The following TCP11L2 variants were observed in gnomAD, a reference collection of about 807,000 sequenced individuals.
The protein encoded by TCP11L2 is t-complex 11 like 2.
In TCP11L2, 39 loss-of-function variants were observed where a neutral mutation model predicts 50.7. The ratio of observed to expected loss-of-function variants is 0.77; its 90% CI spans 0.60 to 1.01. The LOEUF is 1.01. TCP11L2 is among the 50% of genes least tolerant of loss of function. The probability of loss-of-function intolerance (pLI) is 0.00; values close to 1 mark genes in which losing one functional copy is unlikely to be tolerated. For missense variants in TCP11L2, 612 were observed against 614.7 expected (o/e 1.00, Z 0.05); for synonymous variants, 192 against 219.3 (o/e 0.88, Z 1.10).
intron 3 of TCP11L2, among the ~76,000 whole-genome samples, chr12:106,317,123 G>A (rs1345621674): frequency 6.6e-6 from 1 of 152,168 alleles, no homozygotes; most frequent in African/African-American, 2.4e-5. Flanking sequence ...TTGATACTAT[G>A]GAAAATATTA....
chr12:106,302,408 G>GCCCCCGCT (rs1348154937), upstream of TCP11L2, among the ~76,000 whole-genome samples: 14 of 45,054 alleles, frequency 3.1e-4, no homozygotes, highest in Middle Eastern at 9.3e-3. Flanking sequence ...CCCCCGCTCA[G>GCCCCCGCT]CCCCCGCTCC....
At chr12:106,325,108 C>T (rs748481270) in intron 6 of TCP11L2, 8 of 152,194 alleles carry the variant, frequency 5.3e-5, no homozygotes, top group Non-Finnish European at 1.0e-4. Flanking sequence ...TAATTTAATC[C>T]TTGCAACAAC....
At chr12:106,298,884 C>T (rs1236908486), upstream of TCP11L2, among the ~76,000 whole-genome samples, 1 of 151,602 alleles carries the variant, frequency 6.6e-6, no homozygotes, top group East Asian at 1.9e-4. Context: ...ATGGTGCAAT[C>T]CTGGCTCACT....
Position 106,314,399 on chromosome 12 carries a change from G to C in TCP11L2, c.199G>C (p.Ala67Pro). Residue 67 changes from alanine to proline, a missense_variant, in exon 3 of 10, where the codon GCT becomes CCT. By Grantham distance (27) the Ala-to-Pro change is conservative. Coordinates refer to ENST00000299045, the MANE Select transcript of TCP11L2 (RefSeq NM_152772.3). ...GGTTGTAACATTTGATGAAGTGATG[G>C]CTACAGCAAGGAACTTATCAAACTT... is the stretch of plus-strand genomic sequence containing the variant. ...PRVVTFDEVMATARNLSNLTL... is the reference protein window; with the variant it reads ...PRVVTFDEVMPTARNLSNLTL... 6.2e-7 allele frequency: 1 copy of C among 1,613,028 alleles called. No individual in the cohort carries two copies. The highest frequency in any genetic ancestry group is 8.5e-7 in the Non-Finnish European group (1 of 1,179,150).
intron 1 of TCP11L2, among the ~76,000 whole-genome samples, chr12:106,304,556 A>G (rs904614): frequency 3.2e-4 from 48 of 152,094 alleles, no homozygotes; most frequent in African/African-American, 1.1e-3. Context: ...CATCATCTGC[A>G]ATTTTTTTCT....
At chr12:106,316,800 C>T (rs1036142583) in intron 3 of TCP11L2, among the ~76,000 whole-genome samples, 1 of 152,174 alleles carries the variant, frequency 6.6e-6, no homozygotes, top group African/African-American at 2.4e-5. Flanking sequence ...GGGCCCTACA[C>T]ATATTGGATG....
intron 9 of TCP11L2, among the ~76,000 whole-genome samples, chr12:106,341,798 T>C (rs763121055): frequency 6.6e-6 from 1 of 152,212 alleles, no homozygotes; most frequent in Non-Finnish European, 1.5e-5. Context: ...ACAAGGAATC[T>C]GCCTCCCTGT....
chr12:106,344,782 CT>C (rs1202621802), intron 9 of TCP11L2, among the ~76,000 whole-genome samples: 2 of 152,176 alleles, frequency 1.3e-5, no homozygotes, highest in African/African-American at 4.8e-5. Context: ...TATAGCAGGT[CT>C]TTTCTGTCCA....
chr12:106,302,320 C>T (rs1274577133), upstream of TCP11L2, among the ~76,000 whole-genome samples: 1 of 40,036 alleles, frequency 2.5e-5, no homozygotes, highest in Non-Finnish European at 5.6e-5. Flanking sequence ...AGCCCCCGCT[C>T]CCCCCGCTCA....
At chr12:106,317,850 C>T (rs1040108372) in intron 3 of TCP11L2, among the ~76,000 whole-genome samples, 1 of 152,196 alleles carries the variant, frequency 6.6e-6, no homozygotes, top group Non-Finnish European at 1.5e-5. Flanking sequence ...CCTAGGAAGG[C>T]TTCTATTTCA....
At chr12:106,332,500 C>G (rs553317440) in intron 6 of TCP11L2, among the ~76,000 whole-genome samples, 58 of 152,294 alleles carry the variant, frequency 3.8e-4, no homozygotes, top group Non-Finnish European at 3.7e-4. Context: ...ATACATACAA[C>G]TTGGATGGAT....
chr12:106,346,355 T>G lies in TCP11L2; in HGVS notation c.1385T>G (p.Met462Arg). The G allele has an allele frequency of 6.2e-7, 1 of 1,613,648 alleles. No homozygotes were observed. Among genetic ancestry groups the G allele is most frequent in the Non-Finnish European group, 8.5e-7 (1 of 1,179,514 alleles). ...LPSPQKCMPP[M>R]PGGLAVIQQE... ...AGCCCTCAAAAATGCATGCCTCCTA[T>G]GCCAGGAGGCCTAGCTGTCATTCAG... The change falls in exon 10 of 10, where the codon ATG becomes AGG. Residue 462 changes from methionine (M) to arginine (R), a missense_variant. Met to Arg is a moderately conservative substitution (Grantham distance 91). Transcript: ENST00000299045.
chr12:106,315,438 G>A (rs900599414), intron 3 of TCP11L2, among the ~76,000 whole-genome samples: 3 of 152,088 alleles, frequency 2.0e-5, no homozygotes, highest in African/African-American at 7.2e-5. Context: ...ATAATTTTAT[G>A]TTTGATGTCC....
rs142194428 is a variant in TCP11L2 at position 106,316,942 on chromosome 12, G to A, written c.294-1402G>A. Among the ~76,000 whole-genome samples the A allele has an allele frequency of 4.3e-3, 658 of 152,262 alleles. 9 individuals are homozygous for A. Among genetic ancestry groups the A allele is most frequent in the African/African-American group, 0.015 (622 of 41,526 alleles). On this transcript the variant is annotated intron_variant, in intron 3 of 9. Coordinates refer to ENST00000299045, the MANE Select transcript of TCP11L2 (RefSeq NM_152772.3). ...TCTGTACTTTAAATTCAAAAGTGGC[G>A]AGTACAGGCCATAGTGAAGGCATTT...
intron 6 of TCP11L2, chr12:106,329,457 C>G (rs556373007): frequency 1.3e-6 from 2 of 1,531,478 alleles, no homozygotes; most frequent in South Asian, 2.4e-5. Context: ...ACGTTTCACT[C>G]TAAACGCATG....
At chr12:106,338,867 A>C (rs1376951704) in intron 8 of TCP11L2, among the ~76,000 whole-genome samples, 1 of 152,216 alleles carries the variant, frequency 6.6e-6, no homozygotes, top group Admixed American at 6.5e-5. Context: ...CAGGCTGGGC[A>C]CGGTGGCTCA....
intron 9 of TCP11L2, 120 bp downstream of exon 9, chr12:106,341,118 ATTG>A (rs2136827815): frequency 2.5e-6 from 2 of 799,134 alleles, no homozygotes; most frequent in East Asian, 2.5e-5. Flanking sequence ...GAGGATAAAT[ATTG>A]AAAATATCAA....
intron 3 of TCP11L2, among the ~76,000 whole-genome samples, chr12:106,317,180 G>A (rs1033487664): frequency 6.6e-5 from 10 of 152,342 alleles, no homozygotes; most frequent in African/African-American, 1.9e-4. Context: ...ATGTGAGCAA[G>A]GGAAACAAAG....
intron 9 of TCP11L2, among the ~76,000 whole-genome samples, chr12:106,344,948 C>G (rs1447817842): frequency 1.3e-5 from 2 of 152,244 alleles, no homozygotes; most frequent in South Asian, 2.1e-4. Context: ...ATGTCCCTTC[C>G]TCAGTGTCTC....
Sources: allele counts gnomAD v4.1 joint callset (sites outside exome capture counted in the v4.1 genomes callset), GRCh38; gene constraint gnomAD v4.1.1; transcripts MANE v1.5; gene names NCBI Gene and HGNC (gene_info 2026-07-23, HGNC 2026-07-21).